Variants in KIAA1217 observed in about 807,000 individuals in gnomAD.
The protein encoded by KIAA1217 is sickle tail protein homolog.
In KIAA1217, 88 loss-of-function variants were observed where a neutral mutation model predicts 163.9. The observed-to-expected ratio is 0.54, with a 90% CI of 0.45 to 0.64. The LOEUF is 0.64. Ranked by LOEUF, KIAA1217 falls within the 30% of genes least tolerant of loss-of-function variation. The probability of loss-of-function intolerance (pLI) is 0.00; values close to 1 mark genes in which losing one functional copy is unlikely to be tolerated. For synonymous variants in KIAA1217, 903 were observed against 923.1 expected, an observed-to-expected ratio of 0.98 and a Z score of 0.39; for missense variants, 2,372 against 2,475.0, an observed-to-expected ratio of 0.96 and a Z score of 0.88.
chr10:24,451,802 T>A (rs1254687493), intron 5 of KIAA1217, among the ~76,000 whole-genome samples: 1 of 152,194 alleles, frequency 6.6e-6, no homozygotes, highest in Non-Finnish European at 1.5e-5. Flanking sequence ...TGGCGGAGAT[T>A]GCTTTTGACT....
chr10:24,430,220 C>T (rs1277331906), intron 3 of KIAA1217, among the ~76,000 whole-genome samples: 1 of 152,204 alleles, frequency 6.6e-6, no homozygotes, highest in African/African-American at 2.4e-5. Flanking sequence ...CCTCCAGTGT[C>T]CTGACTAAGG....
At chr10:24,184,252 A>G in intron 2 of KIAA1217, among the ~76,000 whole-genome samples, 1 of 152,190 alleles carries the variant, frequency 6.6e-6, no homozygotes, top group Non-Finnish European at 1.5e-5. Flanking sequence ...AAATGGGCTG[A>G]ATCCCAGTGG....
At chr10:24,484,866 G>A (rs11598496) in intron 6 of KIAA1217, among the ~76,000 whole-genome samples, 30,034 of 152,078 alleles carry the variant, frequency 0.2, 3,227 homozygotes, top group South Asian at 0.37. Context: ...ATCTGAGGGG[G>A]GTTGTGTCCT....
intron 1 of KIAA1217, among the ~76,000 whole-genome samples, chr10:23,835,162 T>C (rs117591646): frequency 0.018 from 2,761 of 151,868 alleles, 37 homozygotes; most frequent in Non-Finnish European, 0.025. Context: ...AGGTGGGAGA[T>C]ATGAAGAGGA....
chr10:23,969,287 C>T lies in KIAA1217; in HGVS notation c.-320-37938C>T, dbSNP rs180943364. 1.5e-3 allele frequency among the ~76,000 whole-genome samples: 232 copies of T among 152,316 alleles called. 3 individuals are homozygous for T. The highest frequency in any genetic ancestry group is 2.6e-3 in the Non-Finnish European group (176 of 68,034). ...CCGACCTTTGGTCGTCCACCTGCCT[C>T]GCCTCCCCAAGTGCTGGGATTATAG... On this transcript the variant is annotated intron_variant, in intron 1 of 18. Transcript: ENST00000376462.
chr10:24,125,028 C>T (rs895783681), intron 2 of KIAA1217, among the ~76,000 whole-genome samples: 1 of 152,074 alleles, frequency 6.6e-6, no homozygotes, highest in African/African-American at 2.4e-5. Context: ...AATCCCAGCA[C>T]TTTGGGAGGC....
At chr10:24,034,762 T>C (rs1003500915) in intron 2 of KIAA1217, among the ~76,000 whole-genome samples, 1 of 152,138 alleles carries the variant, frequency 6.6e-6, no homozygotes, top group Non-Finnish European at 1.5e-5. Context: ...CCACTGACCT[T>C]TGCAGAGGCT....
At chr10:24,082,021 T>A (rs1483884061) in intron 2 of KIAA1217, among the ~76,000 whole-genome samples, 1 of 152,184 alleles carries the variant, frequency 6.6e-6, no homozygotes, top group Non-Finnish European at 1.5e-5. Flanking sequence ...AAGATGGGAC[T>A]CAATCTGGCA....
chr10:23,971,375 G>A (rs1229026885), intron 1 of KIAA1217, among the ~76,000 whole-genome samples: 1 of 152,200 alleles, frequency 6.6e-6, no homozygotes, highest in Admixed American at 6.5e-5. Flanking sequence ...TCTATTGGGA[G>A]ACAACCTTTC....
At chr10:24,489,538 CA>C (rs745874004) in intron 6 of KIAA1217, among the ~76,000 whole-genome samples, 3,847 of 133,046 alleles carry the variant, frequency 0.029, 141 homozygotes, top group African/African-American at 0.094. Flanking sequence ...AGTCTCTAGT[CA>C]AAAAAAAAAA....
At chr10:23,895,040 A>G (rs1841612782) in intron 1 of KIAA1217, among the ~76,000 whole-genome samples, 1 of 152,178 alleles carries the variant, frequency 6.6e-6, no homozygotes, top group African/African-American at 2.4e-5. Context: ...TAAAAACCCT[A>G]GAAGAAAACC....
intron 2 of KIAA1217, among the ~76,000 whole-genome samples, chr10:24,045,614 G>A (rs778101034): frequency 1.6e-4 from 24 of 151,734 alleles, no homozygotes; most frequent in Non-Finnish European, 1.6e-4. Flanking sequence ...TTTGATCATC[G>A]TCATATTTTT....
intron 2 of KIAA1217, among the ~76,000 whole-genome samples, chr10:24,054,953 A>G (rs950727752): frequency 1.3e-5 from 2 of 152,168 alleles, no homozygotes; most frequent in African/African-American, 2.4e-5. Context: ...TATGCAGCAC[A>G]TGACTATACT....
chr10:24,520,641 A>AAAAAAG (rs2070987398), intron 11 of KIAA1217, among the ~76,000 whole-genome samples: 4 of 87,056 alleles, frequency 4.6e-5, no homozygotes, highest in African/African-American at 2.4e-4. Context: ...AAAAAAAAAA[A>AAAAAAG]AAAAAAAAAA....
chr10:24,480,007 T>C (rs1554893567), intron 6 of KIAA1217, among the ~76,000 whole-genome samples: 1 of 152,154 alleles, frequency 6.6e-6, no homozygotes, highest in Non-Finnish European at 1.5e-5. Context: ...GGATCACATT[T>C]CAACATGAGT....
intron 2 of KIAA1217, among the ~76,000 whole-genome samples, chr10:24,270,766 C>T (rs940782247): frequency 4.6e-5 from 7 of 152,106 alleles, no homozygotes; most frequent in African/African-American, 1.2e-4. Flanking sequence ...AGGCTGGTCT[C>T]GAACTCCTGA....
At chr10:24,028,355 A>G (rs1438947073) in intron 2 of KIAA1217, among the ~76,000 whole-genome samples, 2 of 152,172 alleles carry the variant, frequency 1.3e-5, no homozygotes, top group Non-Finnish European at 2.9e-5. Context: ...AACCATAAAA[A>G]GTGAAAATGA....
intron 1 of KIAA1217, among the ~76,000 whole-genome samples, chr10:23,780,241 A>G (rs964243820): frequency 6.6e-6 from 1 of 152,170 alleles, no homozygotes; most frequent in Non-Finnish European, 1.5e-5. Flanking sequence ...TAACACATCC[A>G]TTGTCTCTCA....
chr10:24,423,617 A>G (rs2131593815), intron 3 of KIAA1217, among the ~76,000 whole-genome samples: 1 of 152,016 alleles, frequency 6.6e-6, no homozygotes, highest in South Asian at 2.1e-4. Context: ...GCACCACCAC[A>G]CCCAGCTAAT....
Sources: gnomAD v4.1 joint callset for allele counts (sites outside exome capture counted in the v4.1 genomes callset) on GRCh38, gnomAD v4.1.1 for gene constraint, MANE v1.5 for transcripts, NCBI Gene and HGNC (gene_info 2026-07-23, HGNC 2026-07-21) for gene names.